Variants in TMEM132E observed in about 807,000 individuals in gnomAD.
TMEM132E encodes the protein transmembrane protein 132E.
A neutral mutation model predicts 78.5 loss-of-function variants in TMEM132E; 49 were observed. That is an observed-to-expected ratio of 0.62 (90% confidence interval 0.50 to 0.79). TMEM132E has a LOEUF of 0.79. Ranked by LOEUF, TMEM132E falls within the 30% of genes least tolerant of loss-of-function variation. TMEM132E has a pLI of 0.00. For synonymous variants in TMEM132E, 715 were observed against 670.6 expected (o/e 1.07, Z -1.02); for missense variants, 1,403 against 1,470.9 (o/e 0.95, Z 0.75).
Position 34,591,866 on chromosome 17 carries a change from C to T in TMEM132E, c.67+10723C>T, listed in dbSNP as rs142201802. Among the ~76,000 whole-genome samples the T allele has an allele frequency of 6.6e-3, 1,001 of 152,328 alleles. 10 individuals carry two copies. The highest frequency in any genetic ancestry group is 0.012 in the Non-Finnish European group (784 of 68,028). ...GAGCACTTGCTGACATCTCCCTGAG[C>T]CTCTCCTCCCCTGTCTGCACTGGGA... On this transcript the variant is annotated intron_variant, in intron 1 of 8. Transcript: ENST00000631683.
intron 1 of TMEM132E, among the ~76,000 whole-genome samples, chr17:34,589,553 TTACA>T (rs1427167691): frequency 1.3e-5 from 2 of 152,178 alleles, no homozygotes; most frequent in African/African-American, 4.8e-5. Context: ...CTGTCTGATC[TTACA>T]CCACTCTGAT....
At chr17:34,601,067 G>A (rs1326608331) in intron 1 of TMEM132E, among the ~76,000 whole-genome samples, 2 of 152,188 alleles carry the variant, frequency 1.3e-5, no homozygotes, top group Admixed American at 6.5e-5. Context: ...GTGAAATTTG[G>A]GCAGCAACAG....
In TMEM132E at chr17:34,581,565, C is replaced by T. The variant is rs1217563390; in HGVS notation, c.67+422C>T. 2.0e-5 allele frequency among the ~76,000 whole-genome samples: 3 copies of T among 152,022 alleles called. No individual in the cohort carries two copies. The South Asian group carries it at 6.2e-4, about 32-fold the overall frequency. On this transcript the variant is annotated intron_variant, in intron 1 of 8. Coordinates refer to ENST00000631683, the MANE Select transcript of TMEM132E (RefSeq NM_001304438.2). The stretch of plus-strand genomic sequence containing the variant: ...GGATCGCGTCTTTCCTCGCCCCGGG[C>T]GCGCAGGCCGGTGCGGGGCCGCGCC...
At chr17:34,609,831 C>G (rs555944574) in intron 1 of TMEM132E, among the ~76,000 whole-genome samples, 35 of 152,336 alleles carry the variant, frequency 2.3e-4, no homozygotes, top group African/African-American at 7.9e-4. Context: ...TTCAAAACCC[C>G]TGGGATAAAA....
At chr17:34,608,921 T>C (rs980361715) in intron 1 of TMEM132E, among the ~76,000 whole-genome samples, 2 of 152,172 alleles carry the variant, frequency 1.3e-5, no homozygotes, top group Non-Finnish European at 2.9e-5. Flanking sequence ...CTGTTTCCCA[T>C]CTAGCACTCG....
chr17:34,637,614 C>A lies in TMEM132E; in HGVS notation c.2607C>A (p.Asp869Glu). The part of the protein sequence containing the change: ...TASPVVPPTE[D>E]FLPLPTGFLQ... Reference sequence around the variant, plus strand: ...GCCCCGTCGTGCCACCCACAGAAGACTTCCTGCCGCTGCCCACCGGCTTCC... The same window carrying A: ...GCCCCGTCGTGCCACCCACAGAAGAATTCCTGCCGCTGCCCACCGGCTTCC... The change falls in exon 9 of 9, where the codon GAC (aspartate) becomes GAA (glutamate). Residue 869 changes from aspartate to glutamate, a missense_variant. Transcript: ENST00000631683. 6.2e-7 allele frequency: 1 copy of A among 1,603,260 alleles called. No homozygotes were observed. The highest frequency in any genetic ancestry group is 8.5e-7 in the Non-Finnish European group (1 of 1,178,038).
chr17:34,632,865 C>A lies in TMEM132E; in HGVS notation c.1644C>A (p.Leu548=), dbSNP rs1254354263. 1.9e-6 allele frequency: 3 copies of A among 1,614,240 alleles called. No homozygotes were observed. The Admixed American group carries it at 5.0e-5, about 27-fold the overall frequency. Residue 548 remains leucine (L), a synonymous_variant, in exon 6 of 9, where the codon CTC becomes CTA. Transcript: ENST00000631683. ...ACATTGAGCTCTCAGATGCCCGCCT[C>A]AGCCAAGTGAAGGGCTGGAGGGTAC... ...PLHIELSDAR[L]SQVKGWRVPI...
chr17:34,584,377 C>T (rs1022911241), intron 1 of TMEM132E, among the ~76,000 whole-genome samples: 8 of 152,312 alleles, frequency 5.3e-5, no homozygotes, highest in Admixed American at 4.6e-4. Flanking sequence ...TAGATTACCC[C>T]CTAGCTTCTC....
chr17:34,609,419 G>A (rs1906518705), intron 1 of TMEM132E, among the ~76,000 whole-genome samples: 1 of 152,198 alleles, frequency 6.6e-6, no homozygotes, highest in Admixed American at 6.5e-5. Flanking sequence ...ACCTCAGGAT[G>A]CCTGAGCAGA....
chr17:34,629,506 G>A (rs1014140348), intron 4 of TMEM132E, among the ~76,000 whole-genome samples: 3 of 152,186 alleles, frequency 2.0e-5, no homozygotes, highest in Non-Finnish European at 4.4e-5. Context: ...GGTCACCTGG[G>A]AGGGAGCCTC....
intron 6 of TMEM132E, among the ~76,000 whole-genome samples, chr17:34,633,608 A>G (rs1907420994): frequency 6.6e-6 from 1 of 152,254 alleles, no homozygotes; most frequent in African/African-American, 2.4e-5. Context: ...CAGGCAGCTA[A>G]GAGCAGGAGG....
At chr17:34,582,397 G>C (rs1449782866) in intron 1 of TMEM132E, among the ~76,000 whole-genome samples, 1 of 151,914 alleles carries the variant, frequency 6.6e-6, no homozygotes, top group African/African-American at 2.4e-5. Flanking sequence ...TCAAGGTTGA[G>C]AGAATAAGAA....
intron 1 of TMEM132E, among the ~76,000 whole-genome samples, chr17:34,625,197 G>A (rs1195665332): frequency 6.6e-6 from 1 of 152,252 alleles, no homozygotes; most frequent in Non-Finnish European, 1.5e-5. Context: ...AATGGGGGCA[G>A]GGAGGGAGGA....
intron 8 of TMEM132E, 38 bp downstream of exon 8, chr17:34,636,236 G>A: frequency 7.1e-7 from 1 of 1,410,756 alleles, no homozygotes; most frequent in South Asian, 1.7e-5. Flanking sequence ...GGGAGTTGGT[G>A]GTATGGAAGG....
intron 5 of TMEM132E, among the ~76,000 whole-genome samples, chr17:34,631,839 G>A (rs975856325): frequency 6.6e-6 from 1 of 152,232 alleles, no homozygotes; most frequent in African/African-American, 2.4e-5. Flanking sequence ...TGAGCACCTA[G>A]ATGCATGTAC....
intron 1 of TMEM132E, among the ~76,000 whole-genome samples, chr17:34,609,545 GGCAGCTCT>G (rs1366122080): frequency 6.6e-6 from 1 of 152,194 alleles, no homozygotes; most frequent in East Asian, 1.9e-4. Flanking sequence ...CCCATGGAAC[GGCAGCTCT>G]GTCTGCCTCC....
At position 34,635,093 on chromosome 17, in the gene TMEM132E, T is replaced by G. The variant is rs1597693677; in HGVS notation, c.1977+6T>G. On this transcript the variant is annotated splice_donor_region_variant and intron_variant, in intron 7 of 8. Coordinates refer to ENST00000631683, the MANE Select transcript of TMEM132E (RefSeq NM_001304438.2). The stretch of plus-strand genomic sequence containing the variant: ...CAGGCACCACCCCCTTTAAGGTAGG[T>G]ATGGGCTCTGTCCCAGCACAAAGGG... 3.7e-6 allele frequency: 6 copies of G among 1,605,688 alleles called. No individual in the cohort carries two copies. The highest frequency in any genetic ancestry group is 4.3e-6 in the Non-Finnish European group (5 of 1,175,442).
At chr17:34,583,098 C>A (rs936361231) in intron 1 of TMEM132E, among the ~76,000 whole-genome samples, 1 of 152,234 alleles carries the variant, frequency 6.6e-6, no homozygotes, top group Non-Finnish European at 1.5e-5. Flanking sequence ...GGCACCAGTG[C>A]CCTCTCTGTG....
rs1163087557 is a variant in TMEM132E at position 34,634,854 on chromosome 17, G to A, written c.1744G>A (p.Ala582Thr). Reference sequence around the variant, plus strand: ...GGAGGAGGAGGAGCGGCGGCAGAGTGCAAGCCGTGGCTGCACCCTGCAGTA... The same window carrying A: ...GGAGGAGGAGGAGCGGCGGCAGAGTACAAGCCGTGGCTGCACCCTGCAGTA... ...DEEEEERRQS[A>T]SRGCTLQYQH... Residue 582 changes from alanine to threonine, a missense_variant, in exon 7 of 9, where the codon GCA (alanine) becomes ACA (threonine). By Grantham distance (58) the Ala-to-Thr change is moderately conservative (BLOSUM62 0). Coordinates refer to ENST00000631683, the MANE Select transcript of TMEM132E (RefSeq NM_001304438.2). 3 of 1,614,088 alleles carry A rather than the reference G, an allele frequency of 1.9e-6. No individual in the cohort carries two copies.
Sources: allele counts gnomAD v4.1 joint callset (sites outside exome capture counted in the v4.1 genomes callset), GRCh38; gene constraint gnomAD v4.1.1; transcripts MANE v1.5; gene names NCBI Gene and HGNC (gene_info 2026-07-23, HGNC 2026-07-21).